The following PPP1R9A variants were observed in gnomAD, a reference collection of about 807,000 sequenced individuals.
PPP1R9A encodes the protein neurabin-1.
In PPP1R9A, 59 loss-of-function variants were observed where a neutral mutation model predicts 141.9. The ratio of observed to expected loss-of-function variants is 0.42; its 90% CI spans 0.34 to 0.52. PPP1R9A has a LOEUF of 0.52. Ranked by LOEUF, PPP1R9A falls within the 20% of genes least tolerant of loss-of-function variation. The pLI, the probability that PPP1R9A is intolerant of heterozygous loss-of-function variation, is 0.10. For synonymous variants in PPP1R9A, 500 were observed against 569.7 expected, an observed-to-expected ratio of 0.88 and a Z score of 1.74; for missense variants, 1,444 against 1,611.9, an observed-to-expected ratio of 0.90 and a Z score of 1.78.
chr7:95,221,175 G>C lies in PPP1R9A; in HGVS notation c.1957-4786G>C, dbSNP rs148962298. ...TGACACCAGCAGCAGCAACAATAGCGGTCACTCGTTTTGAGCACCTACCAT... is the reference window on the plus strand; with the variant it reads ...TGACACCAGCAGCAGCAACAATAGCCGTCACTCGTTTTGAGCACCTACCAT... On this transcript the variant is annotated intron_variant, in intron 7 of 19. Transcript: ENST00000433360. Among the ~76,000 whole-genome samples the C allele has an allele frequency of 9.0e-3, 1,368 of 152,114 alleles. 23 individuals are homozygous for C. Among genetic ancestry groups the C allele is most frequent in the African/African-American group, 0.03 (1,261 of 41,532 alleles).
At chr7:95,110,184 T>C (rs764876533) in intron 2 of PPP1R9A, among the ~76,000 whole-genome samples, 37 of 152,194 alleles carry the variant, frequency 2.4e-4, no homozygotes, top group Non-Finnish European at 4.7e-4. Context: ...TTACCATATA[T>C]AGAATATAGG....
At chr7:95,134,582 T>C (rs1825293583) in intron 4 of PPP1R9A, among the ~76,000 whole-genome samples, 2 of 152,122 alleles carry the variant, frequency 1.3e-5, no homozygotes, top group East Asian at 1.9e-4. Context: ...GATTACGGCA[T>C]GTACCACTAC....
chr7:95,003,568 T>C (rs1314009077), intron 2 of PPP1R9A, among the ~76,000 whole-genome samples: 4 of 152,196 alleles, frequency 2.6e-5, no homozygotes, highest in Non-Finnish European at 4.4e-5. Flanking sequence ...TGTAACTTTT[T>C]GCAGAAATAA....
At chr7:95,146,614 G>T (rs2152617086) in intron 4 of PPP1R9A, among the ~76,000 whole-genome samples, 1 of 152,206 alleles carries the variant, frequency 6.6e-6, no homozygotes, top group East Asian at 1.9e-4. Flanking sequence ...TTCTTCTAGT[G>T]TTTTTATGGT....
intron 2 of PPP1R9A, among the ~76,000 whole-genome samples, chr7:95,082,517 A>C (rs1369498572): frequency 6.6e-6 from 1 of 151,868 alleles, no homozygotes; most frequent in Non-Finnish European, 1.5e-5. Context: ...AGTCAGGAGA[A>C]CTGCTAGAGG....
intron 4 of PPP1R9A, among the ~76,000 whole-genome samples, chr7:95,139,474 T>C (rs573814088): frequency 4.5e-4 from 69 of 152,230 alleles, no homozygotes; most frequent in South Asian, 1.2e-3. Flanking sequence ...CAAATTTCTA[T>C]TTTGTGCTTT....
intron 4 of PPP1R9A, among the ~76,000 whole-genome samples, chr7:95,127,621 A>G (rs1404835528): frequency 1.3e-5 from 2 of 151,644 alleles, no homozygotes; most frequent in African/African-American, 4.8e-5. Context: ...TCACCCAGGT[A>G]CTGATCATAG....
intron 2 of PPP1R9A, among the ~76,000 whole-genome samples, chr7:95,010,129 C>T (rs1010413606): frequency 6.6e-6 from 1 of 152,136 alleles, no homozygotes; most frequent in Non-Finnish European, 1.5e-5. Flanking sequence ...CTGTGGCTTA[C>T]GCCTGTAATC....
chr7:95,045,238 G>T (rs1197658708), intron 2 of PPP1R9A, among the ~76,000 whole-genome samples: 1 of 152,158 alleles, frequency 6.6e-6, no homozygotes, highest in Non-Finnish European at 1.5e-5. Flanking sequence ...TTTCCGAGCA[G>T]GAATGGAAGT....
At position 95,265,256 on chromosome 7, in the gene PPP1R9A, A is replaced by T. The variant is rs184666483; in HGVS notation, c.2666-3294A>T. Among the ~76,000 whole-genome samples the T allele has an allele frequency of 2.0e-5, 3 of 152,312 alleles. No homozygotes were observed. In the East Asian group the frequency reaches 5.8e-4, roughly 29 times the overall value. On this transcript the variant is annotated intron_variant, in intron 12 of 19. Coordinates refer to ENST00000433360, the MANE Select transcript of PPP1R9A (RefSeq NM_001166160.2). ...GACTCAAAGAAGGCAGAAGAATGTG[A>T]AGTTTACTTCCAGACTTGAGATTGA...
At chr7:95,008,030 C>T (rs931516748) in intron 2 of PPP1R9A, among the ~76,000 whole-genome samples, 3 of 152,204 alleles carry the variant, frequency 2.0e-5, no homozygotes. Flanking sequence ...TGAGATTATG[C>T]CATTGCGCTT....
intron 2 of PPP1R9A, among the ~76,000 whole-genome samples, chr7:95,056,738 TTA>T (rs1231130963): frequency 1.3e-5 from 2 of 152,168 alleles, no homozygotes; most frequent in East Asian, 3.8e-4. Flanking sequence ...CTCATGAAAG[TTA>T]TCACTGATCT....
chr7:95,266,771 A>G (rs1008509989), intron 12 of PPP1R9A, among the ~76,000 whole-genome samples: 1 of 152,128 alleles, frequency 6.6e-6, no homozygotes, highest in Non-Finnish European at 1.5e-5. Context: ...AGTGTTTCTA[A>G]TTATATTACA....
chr7:95,048,380 A>G (rs1400531544), intron 2 of PPP1R9A, among the ~76,000 whole-genome samples: 1 of 152,222 alleles, frequency 6.6e-6, no homozygotes, highest in Non-Finnish European at 1.5e-5. Context: ...AAAGATAAGG[A>G]AATACTATAT....
intron 4 of PPP1R9A, chr7:95,154,813 G>T (rs1169624407): frequency 1.3e-5 from 2 of 152,008 alleles, no homozygotes; most frequent in Non-Finnish European, 2.9e-5. Context: ...AGATTTCAAA[G>T]GATTATTTTC....
At chr7:95,176,939 A>G (rs1013446598) in intron 5 of PPP1R9A, among the ~76,000 whole-genome samples, 1 of 152,182 alleles carries the variant, frequency 6.6e-6, no homozygotes, top group African/African-American at 2.4e-5. Context: ...TTTGGACAAC[A>G]TATTTGGGGA....
At chr7:95,059,098 G>A (rs1360762008) in intron 2 of PPP1R9A, among the ~76,000 whole-genome samples, 1 of 152,034 alleles carries the variant, frequency 6.6e-6, no homozygotes, top group East Asian at 1.9e-4. Flanking sequence ...ACTCAAAGTG[G>A]TAATTTTCAA....
intron 7 of PPP1R9A, among the ~76,000 whole-genome samples, chr7:95,211,909 G>A (rs1438862679): frequency 6.6e-6 from 1 of 152,160 alleles, no homozygotes; most frequent in East Asian, 1.9e-4. Flanking sequence ...AAGATCACTT[G>A]AGCCCAGGAG....
chr7:95,198,108 T>A (rs1230673161), intron 5 of PPP1R9A, among the ~76,000 whole-genome samples: 2 of 152,322 alleles, frequency 1.3e-5, no homozygotes, highest in Non-Finnish European at 2.9e-5. Flanking sequence ...CTTAAAATGA[T>A]AATTTTTATG....
Sources: allele counts gnomAD v4.1 joint callset (sites outside exome capture counted in the v4.1 genomes callset), GRCh38; gene constraint gnomAD v4.1.1; transcripts MANE v1.5; gene names NCBI Gene and HGNC (gene_info 2026-07-23, HGNC 2026-07-21).